Variants in RANBP17 observed in about 807,000 individuals in gnomAD.
RANBP17 encodes RAN binding protein 17, also known as ran-binding protein 17.
A neutral mutation model predicts 141.2 loss-of-function variants in RANBP17; 158 were observed. That is an observed-to-expected ratio of 1.12 (90% CI 0.98 to 1.28). The LOEUF (loss-of-function observed/expected upper bound fraction) is 1.28. Among genes scored for constraint, RANBP17 ranks in the 50% most tolerant of loss-of-function variants. The probability of loss-of-function intolerance (pLI) is 0.00; values close to 1 mark genes in which losing one functional copy is unlikely to be tolerated. For missense variants in RANBP17, 1,438 were observed against 1,290.7 expected (o/e 1.11, Z -1.75); for synonymous variants, 430 against 450.0 (o/e 0.96, Z 0.56).
chr5:171,061,222 C>G (rs1039016553), intron 14 of RANBP17, among the ~76,000 whole-genome samples: 2 of 150,042 alleles, frequency 1.3e-5, no homozygotes, highest in African/African-American at 4.9e-5. Context: ...TGTGTTTGCT[C>G]TTGCTTTTCT....
intron 25 of RANBP17, among the ~76,000 whole-genome samples, chr5:171,266,243 C>G (rs1766668886): frequency 6.6e-6 from 1 of 152,086 alleles, no homozygotes; most frequent in African/African-American, 2.4e-5. Context: ...TTGCTGGGCT[C>G]CTAGTGTATG....
intron 14 of RANBP17, among the ~76,000 whole-genome samples, chr5:171,000,590 C>T (rs1050461818): frequency 2.6e-5 from 4 of 152,120 alleles, no homozygotes; most frequent in Admixed American, 1.3e-4. Context: ...CATGCGCGTC[C>T]GTGTGAAGAG....
chr5:171,004,060 G>A (rs898866306), intron 14 of RANBP17, among the ~76,000 whole-genome samples: 2 of 152,158 alleles, frequency 1.3e-5, no homozygotes, highest in Non-Finnish European at 2.9e-5. Context: ...AGAGTTTATA[G>A]GTTTTAGAAG....
At chr5:171,191,455 G>A (rs148716530) in intron 18 of RANBP17, among the ~76,000 whole-genome samples, 6,290 of 152,162 alleles carry the variant, frequency 0.041, 181 homozygotes, top group East Asian at 0.12. Flanking sequence ...TTGGGAGGCC[G>A]AGGCAGGCGG....
At chr5:170,913,025 A>G (rs1488873201) in intron 7 of RANBP17, among the ~76,000 whole-genome samples, 2 of 152,162 alleles carry the variant, frequency 1.3e-5, no homozygotes, top group East Asian at 1.9e-4. Context: ...AGACTTCTCA[A>G]CAGCAGCACT....
intron 22 of RANBP17, among the ~76,000 whole-genome samples, chr5:171,236,659 A>G (rs1464540104): frequency 1.1e-4 from 17 of 152,122 alleles, no homozygotes. Flanking sequence ...AGCCCCAAGT[A>G]CTGTGTATTG....
intron 14 of RANBP17, among the ~76,000 whole-genome samples, chr5:171,083,767 T>C (rs997454084): frequency 1.3e-5 from 2 of 152,084 alleles, no homozygotes; most frequent in Non-Finnish European, 2.9e-5. Context: ...GCTGTTCTCA[T>C]GATAGCAAAT....
chr5:171,009,806 A>T (rs920329335), intron 14 of RANBP17, among the ~76,000 whole-genome samples: 2 of 152,332 alleles, frequency 1.3e-5, no homozygotes, highest in East Asian at 3.9e-4. Context: ...ACCTCTGGAC[A>T]AAACATTAAA....
At chr5:171,172,306 G>A (rs1285492025) in intron 16 of RANBP17, among the ~76,000 whole-genome samples, 3 of 151,666 alleles carry the variant, frequency 2.0e-5, no homozygotes, top group Non-Finnish European at 3.0e-5. Flanking sequence ...TCTGTTAGTA[G>A]GTATAATGCA....
At chr5:170,997,257 C>T (rs1232654359) in intron 14 of RANBP17, among the ~76,000 whole-genome samples, 1 of 152,194 alleles carries the variant, frequency 6.6e-6, no homozygotes, top group African/African-American at 2.4e-5. Context: ...AACCTCTCTC[C>T]TTTCTAAATT....
intron 5 of RANBP17, 118 bp downstream of exon 5, chr5:170,896,233 A>G: frequency 1.5e-6 from 1 of 676,182 alleles, no homozygotes. Context: ...AACTCTGAAT[A>G]ATCAAGTTTT....
chr5:171,012,006 GTAATATATTTGTTTAAACAAA>G lies in RANBP17; in HGVS notation c.1710+43652_1710+43672del, dbSNP rs1276637731. Among the ~76,000 whole-genome samples the G allele has an allele frequency of 4.5e-4, 67 of 150,212 alleles. No homozygotes were observed. The East Asian group carries it at 5.5e-3, about 12-fold the overall frequency. The stretch of plus-strand genomic sequence containing the variant: ...TTGAGCTATTCTGGTTATTGCCTCA[GTAATATATTTGTTTAAACAAA>G]TAATATATTTGTTTAAACAAATTAT... On this transcript the variant is annotated intron_variant, in intron 14 of 27. Transcript: ENST00000523189.
intron 1 of RANBP17, among the ~76,000 whole-genome samples, chr5:170,865,731 C>T (rs1008554950): frequency 6.6e-6 from 1 of 152,200 alleles, no homozygotes. Flanking sequence ...GCCCTTTCTT[C>T]TCAGACCAAG....
intron 14 of RANBP17, among the ~76,000 whole-genome samples, chr5:171,077,642 AG>A (rs1785015858): frequency 6.6e-6 from 1 of 152,220 alleles, no homozygotes; most frequent in African/African-American, 2.4e-5. Flanking sequence ...ATGGGCAGAA[AG>A]GAAAGGGTAA....
intron 14 of RANBP17, among the ~76,000 whole-genome samples, chr5:170,985,960 T>G (rs1193223405): frequency 6.6e-6 from 1 of 152,094 alleles, no homozygotes; most frequent in Admixed American, 6.6e-5. Flanking sequence ...ATTTCCAAAT[T>G]GCTTTTCAGG....
chr5:170,995,249 CGTA>C (rs1476693196), intron 14 of RANBP17, among the ~76,000 whole-genome samples: 7 of 152,150 alleles, frequency 4.6e-5, no homozygotes, highest in Middle Eastern at 3.4e-3. Context: ...GGCCAAGCTA[CGTA>C]CCCATTTTTG....
intron 24 of RANBP17, among the ~76,000 whole-genome samples, chr5:171,258,360 T>G (rs1408069413): frequency 6.6e-6 from 1 of 152,268 alleles, no homozygotes; most frequent in African/African-American, 2.4e-5. Flanking sequence ...ACCATCCTTC[T>G]TCACAGAATT....
At chr5:171,188,302 T>G (rs1761403585) in intron 18 of RANBP17, among the ~76,000 whole-genome samples, 1 of 152,194 alleles carries the variant, frequency 6.6e-6, no homozygotes, top group Non-Finnish European at 1.5e-5. Flanking sequence ...TGTAACTGAG[T>G]GACAGCTTTT....
intron 24 of RANBP17, among the ~76,000 whole-genome samples, chr5:171,247,152 C>G (rs1361416967): frequency 2.6e-5 from 4 of 152,188 alleles, no homozygotes; most frequent in Non-Finnish European, 5.9e-5. Flanking sequence ...AGGAATCATT[C>G]AAACTCTAAA....
Sources: gnomAD v4.1 joint callset for allele counts (sites outside exome capture counted in the v4.1 genomes callset) on GRCh38, gnomAD v4.1.1 for gene constraint, MANE v1.5 for transcripts, NCBI Gene and HGNC (gene_info 2026-07-23, HGNC 2026-07-21) for gene names.